Variants in HIPK3 observed in about 807,000 individuals in gnomAD.
HIPK3 encodes the protein homeodomain interacting protein kinase 3, also known as homeodomain-interacting protein kinase 3.
Under a neutral mutation model 124.2 loss-of-function variants are expected in HIPK3, and 47 were observed. The observed-to-expected ratio is 0.38, with a 90% confidence interval of 0.30 to 0.48. The LOEUF (loss-of-function observed/expected upper bound fraction) is 0.48, where lower values mean the gene tolerates loss of function less well. Among genes scored for constraint, HIPK3 ranks in the 20% least tolerant of loss-of-function variants. The pLI is 0.98. For missense variants in HIPK3, 1,286 were observed against 1,454.3 expected (o/e 0.88, Z 1.88); for synonymous variants, 482 against 515.2 (o/e 0.94, Z 0.87).
intron 3 of HIPK3, 29 bp downstream of exon 3, chr11:33,328,662 T>A: frequency 6.2e-7 from 1 of 1,603,162 alleles, no homozygotes; most frequent in Non-Finnish European, 8.5e-7. Context: ...CTAATAGAAT[T>A]GGTAAAAAGT....
chr11:33,323,806 T>G (rs1288072771), intron 2 of HIPK3, among the ~76,000 whole-genome samples: 1 of 152,244 alleles, frequency 6.6e-6, no homozygotes, highest in African/African-American at 2.4e-5. Context: ...CAGATGTAGA[T>G]TGGCTTTATC....
intron 2 of HIPK3, among the ~76,000 whole-genome samples, chr11:33,291,730 T>C (rs1265674827): frequency 6.6e-6 from 1 of 152,076 alleles, no homozygotes; most frequent in African/African-American, 2.4e-5. Flanking sequence ...TTTCTTTTTC[T>C]TTTTCTTTCT....
chr11:33,323,636 TG>T (rs1475774282), intron 2 of HIPK3, among the ~76,000 whole-genome samples: 1 of 152,116 alleles, frequency 6.6e-6, no homozygotes, highest in African/African-American at 2.4e-5. Flanking sequence ...TTTGAGGAAG[TG>T]GGGGAGTGAC....
chr11:33,258,387 G>A (rs1156480676), intron 1 of HIPK3: 2 of 985,788 alleles, frequency 2.0e-6, no homozygotes, highest in East Asian at 2.3e-4. Flanking sequence ...CCCAGCCGAT[G>A]GCCGCGTCCC....
chr11:33,257,163 T>C (rs895257291), upstream of HIPK3, among the ~76,000 whole-genome samples: 1 of 151,868 alleles, frequency 6.6e-6, no homozygotes, highest in African/African-American at 2.4e-5. Context: ...GGACTCCGGG[T>C]TGGGGCCGCA....
At chr11:33,306,696 A>C (rs972068678) in intron 2 of HIPK3, among the ~76,000 whole-genome samples, 1 of 152,226 alleles carries the variant, frequency 6.6e-6, no homozygotes, top group Admixed American at 6.5e-5. Context: ...TGTGAAGGTT[A>C]AACTCCATAA....
chr11:33,287,006 G>A lies in HIPK3; in HGVS notation c.592G>A (p.Glu198Lys), dbSNP rs1851575659. The change falls in exon 2 of 17, where the codon GAA becomes AAA. Residue 198 changes from glutamate (E) to lysine (K), a missense_variant. Glu to Lys is a moderately conservative substitution (Grantham distance 56). Around this residue, in one of 3 missense-constraint regions of HIPK3, gnomAD observed 225 missense variants for 240.3 expected, o/e 0.94. Coordinates refer to ENST00000303296, the MANE Select transcript of HIPK3 (RefSeq NM_005734.5). ...EVLCSMKNTY[E>K]VLDFLGRGTF... ...CTTATGCTCCATGAAAAATACTTAC[G>A]AAGTCCTTGATTTTCTTGGTCGAGG... is the stretch of plus-strand genomic sequence containing the variant. 3.1e-6 allele frequency: 5 copies of A among 1,614,124 alleles called. No individual in the cohort carries two copies. The highest frequency in any genetic ancestry group is 3.4e-6 in the Non-Finnish European group (4 of 1,180,008).
At position 33,349,131 on chromosome 11, in the gene HIPK3, T is replaced by C; in HGVS notation, c.2667-16T>C. ...CTTGTATTTGACTCATGTTTTTCCC[T>C]TTTCTCTTCCACTAGATGTAAAGGT... On this transcript the variant is annotated splice_polypyrimidine_tract_variant and intron_variant, in intron 13 of 16. Coordinates refer to ENST00000303296, the MANE Select transcript of HIPK3 (RefSeq NM_005734.5). The C allele has an allele frequency of 6.2e-7, 1 of 1,606,568 alleles. No individual in the cohort carries two copies. Among genetic ancestry groups the C allele is most frequent in the Non-Finnish European group, 8.5e-7 (1 of 1,176,496 alleles).
upstream of HIPK3, chr11:33,257,237 G>C: frequency 1.0e-6 from 1 of 984,188 alleles, no homozygotes. Flanking sequence ...GGACCCCGGG[G>C]AGGGGCTTCA....
Position 33,332,754 on chromosome 11 carries a change from T to C in HIPK3, c.1221+4121T>C, listed in dbSNP as rs1853024706. On this transcript the variant is annotated intron_variant, in intron 3 of 16. Transcript: ENST00000303296. ...ACAAGCTGGCCCAAATAAGGGGACA[T>C]TTATTTATATGTGTGGATGTATTAG... 2.6e-5 allele frequency among the ~76,000 whole-genome samples: 4 copies of C among 152,108 alleles called. No homozygotes were observed. The South Asian group carries it at 8.3e-4, about 32-fold the overall frequency.
chr11:33,333,726 A>G (rs1315833316), intron 3 of HIPK3, among the ~76,000 whole-genome samples: 1 of 152,214 alleles, frequency 6.6e-6, no homozygotes, highest in Non-Finnish European at 1.5e-5. Context: ...CTCCTGAGGT[A>G]CATTAATTGC....
rs1023565219 is a variant in HIPK3, at chr11:33,355,349, TA to T, written c.*1788del. The T allele has an allele frequency of 6.6e-6, 1 of 152,068 alleles. No individual in the cohort carries two copies. The highest frequency in any genetic ancestry group is 1.9e-4 in the East Asian group (1 of 5,206). The allele number at this position is 152,068 out of a possible 1,614,324, so 9.4% of individuals were successfully genotyped here. A position where few individuals can be genotyped will look rare whatever the true frequency, so the allele number is the denominator to read the frequency against. On this transcript the variant is annotated 3_prime_UTR_variant, in exon 17 of 17. Transcript: ENST00000303296. Reference sequence around the variant, plus strand: ...AATGTTTGTGCTCATCACTGCATATTAAAAAAACTTGGATGTATCAGTGTAA... The same window carrying T: ...AATGTTTGTGCTCATCACTGCATATTAAAAAACTTGGATGTATCAGTGTAA...
Position 33,347,842 on chromosome 11 carries a change from T to A in HIPK3, c.2145-10T>A. On this transcript the variant is annotated splice_polypyrimidine_tract_variant and intron_variant, in intron 10 of 16. Transcript: ENST00000303296. Reference sequence around the variant, plus strand: ...CTTGATTAAAAACATTGTTCTGAACTTCTCCCTAGGAAGATGATTTCATGC... The same window carrying A: ...CTTGATTAAAAACATTGTTCTGAACATCTCCCTAGGAAGATGATTTCATGC... The A allele has an allele frequency of 1.2e-6, 2 of 1,613,944 alleles. No homozygotes were observed. Among genetic ancestry groups the A allele is most frequent in the Non-Finnish European group, 1.7e-6 (2 of 1,179,920 alleles).
intron 1 of HIPK3, among the ~76,000 whole-genome samples, chr11:33,273,466 G>C (rs1378422868): frequency 5.6e-4 from 1 of 1,788 alleles, no homozygotes; most frequent in Non-Finnish European, 1.4e-3. Context: ...CCGAGATCAC[G>C]CCACTGCACC....
intron 1 of HIPK3, chr11:33,258,323 C>T: frequency 1.0e-6 from 1 of 985,506 alleles, no homozygotes; most frequent in Non-Finnish European, 1.2e-6. Flanking sequence ...TACGGAGATC[C>T]CTTTCCTTTC....
intron 1 of HIPK3, among the ~76,000 whole-genome samples, chr11:33,266,077 G>C (rs919497345): frequency 7.2e-6 from 1 of 139,262 alleles, no homozygotes; most frequent in Non-Finnish European, 1.6e-5. Context: ...AAAAAAAAAA[G>C]AAAACAAACC....
chr11:33,305,067 C>T (rs1470935777), intron 2 of HIPK3, among the ~76,000 whole-genome samples: 1 of 152,194 alleles, frequency 6.6e-6, no homozygotes, highest in Non-Finnish European at 1.5e-5. Context: ...GTGGCACAAT[C>T]TTGGCTCATT....
Position 33,351,746 on chromosome 11 carries a change from T to A in HIPK3, c.2946T>A (p.Ser982=), listed in dbSNP as rs777884982. The change falls in exon 15 of 17, where the codon TCT becomes TCA. Residue 982 remains serine, a synonymous_variant. Coordinates refer to ENST00000303296, the MANE Select transcript of HIPK3 (RefSeq NM_005734.5). ...ATGAAAACACAGAATTGGTATCCTC[T>A]GCTGACACAGAAACCAAGCCAGCTG... is the stretch of plus-strand genomic sequence containing the variant. ...DTHENTELVS[S]ADTETKPAVC... 3.1e-6 allele frequency: 5 copies of A among 1,614,086 alleles called. No homozygotes were observed. The African/African-American group carries it at 6.7e-5, about 22-fold the overall frequency.
chr11:33,319,289 G>A (rs889863169), intron 2 of HIPK3, among the ~76,000 whole-genome samples: 4 of 152,318 alleles, frequency 2.6e-5, no homozygotes, highest in African/African-American at 9.6e-5. Context: ...GAGGTCAAGA[G>A]ATCGAGACCA....
Sources: allele counts gnomAD v4.1 joint callset (sites outside exome capture counted in the v4.1 genomes callset), GRCh38; gene constraint gnomAD v4.1.1; regional missense constraint gnomAD v4.1.1; transcripts MANE v1.5; gene names NCBI Gene and HGNC (gene_info 2026-07-23, HGNC 2026-07-21).